Variants in DLGAP2 observed in about 807,000 individuals in gnomAD.
The protein encoded by DLGAP2 is DLG associated protein 2.
In DLGAP2, 26 loss-of-function variants were observed where a neutral mutation model predicts 100.3. That is an observed-to-expected ratio of 0.26 (90% CI 0.19 to 0.36). DLGAP2 has a LOEUF of 0.36. DLGAP2 is among the 10% of genes least tolerant of loss of function. The pLI is 1.00. For synonymous variants in DLGAP2, 886 were observed against 630.1 expected, an observed-to-expected ratio of 1.41 and a Z score of -6.08; for missense variants, 1,858 against 1,453.2, an observed-to-expected ratio of 1.28 and a Z score of -4.53.
chr8:1,458,494 C>G (rs1364938551), intron 3 of DLGAP2, among the ~76,000 whole-genome samples: 3 of 152,166 alleles, frequency 2.0e-5, no homozygotes, highest in Non-Finnish European at 4.4e-5. Flanking sequence ...TATGGTTCAA[C>G]CTGACATATT....
chr8:1,379,555 C>T (rs182131107), intron 3 of DLGAP2: 311 of 152,376 alleles, frequency 2.0e-3, no homozygotes, highest in African/African-American at 7.2e-3. Context: ...CATATTCAGT[C>T]TCTTCTTGTA....
At chr8:1,112,233 G>A (rs1804979242) in intron 2 of DLGAP2, among the ~76,000 whole-genome samples, 1 of 117,102 alleles carries the variant, frequency 8.5e-6, no homozygotes, top group South Asian at 2.7e-4. Flanking sequence ...CATGTCCTTT[G>A]CCCATTTTTT....
intron 1 of DLGAP2, among the ~76,000 whole-genome samples, chr8:795,524 T>A (rs1370033714): frequency 6.6e-6 from 1 of 152,242 alleles, no homozygotes; most frequent in Admixed American, 6.5e-5. Context: ...GACAGATGTG[T>A]GCAGTGTGCA....
Position 1,430,011 on chromosome 8 carries a change from T to TATATATATATATACAC in DLGAP2, c.107-71342_107-71341insCACATATATATATATA, listed in dbSNP as rs1554467359. ...GGGGAGAGATGCATATATATACATA[T>TATATATATATATACAC]ATATATATATATATATACACACACA... is the stretch of plus-strand genomic sequence containing the variant. On this transcript the variant is annotated intron_variant, in intron 3 of 14. Transcript: ENST00000637795. Among the ~76,000 whole-genome samples the TATATATATATATACAC allele has an allele frequency of 1.9e-4, 12 of 63,954 alleles. 1 individual carries two copies. Among genetic ancestry groups the TATATATATATATACAC allele is most frequent in the Non-Finnish European group, 3.0e-4 (9 of 30,002 alleles). The allele number at this position is 63,954 out of a possible 152,430, so 42.0% of individuals were successfully genotyped here.
At chr8:1,541,756 G>A (rs76938964) in intron 4 of DLGAP2, among the ~76,000 whole-genome samples, 1,579 of 152,282 alleles carry the variant, frequency 0.01, 32 homozygotes, top group African/African-American at 0.036. Flanking sequence ...GTAACCATCA[G>A]CCATTTGTGT....
At chr8:1,590,750 G>C (rs561661609) in intron 6 of DLGAP2, among the ~76,000 whole-genome samples, 3 of 152,254 alleles carry the variant, frequency 2.0e-5, no homozygotes, top group Admixed American at 2.0e-4. Context: ...TCCCACCTCT[G>C]TGCTCCTGGG....
At chr8:1,060,064 G>C (rs983134995) in intron 2 of DLGAP2, among the ~76,000 whole-genome samples, 1 of 152,286 alleles carries the variant, frequency 6.6e-6, no homozygotes, top group African/African-American at 2.4e-5. Flanking sequence ...TGAGTCTGGG[G>C]CTTCAAGTTC....
At chr8:1,422,932 C>T (rs946999299) in intron 3 of DLGAP2, among the ~76,000 whole-genome samples, 3 of 152,168 alleles carry the variant, frequency 2.0e-5, no homozygotes, top group African/African-American at 7.2e-5. Flanking sequence ...CCTAGGCCAA[C>T]TCTGTCCAGG....
At chr8:1,258,973 A>G in intron 3 of DLGAP2, 90 bp downstream of exon 3, 3 of 1,112,612 alleles carry the variant, frequency 2.7e-6, no homozygotes, top group Non-Finnish European at 3.4e-6. Context: ...AACGTGTTGG[A>G]GAGAACCTTG....
At chr8:1,449,604 T>G (rs952361585) in intron 3 of DLGAP2, among the ~76,000 whole-genome samples, 2 of 152,114 alleles carry the variant, frequency 1.3e-5, no homozygotes, top group African/African-American at 4.8e-5. Flanking sequence ...GGCCTGGCAC[T>G]CTGCATTCTG....
At chr8:1,018,013 T>G (rs1223608185) in intron 2 of DLGAP2, among the ~76,000 whole-genome samples, 1 of 152,106 alleles carries the variant, frequency 6.6e-6, no homozygotes, top group East Asian at 1.9e-4. Context: ...ACCCCATCCC[T>G]TTGTGGAAAG....
chr8:1,594,008 A>C (rs923575259), intron 6 of DLGAP2, among the ~76,000 whole-genome samples: 2 of 152,190 alleles, frequency 1.3e-5, no homozygotes, highest in African/African-American at 2.4e-5. Context: ...CAGAGATGAC[A>C]GCTTAGACTA....
Position 1,331,165 on chromosome 8 carries a change from G to C in DLGAP2, c.106+72282G>C, listed in dbSNP as rs772547197. Among the ~76,000 whole-genome samples the C allele has an allele frequency of 2.6e-5, 4 of 152,346 alleles. No individual in the cohort carries two copies. The East Asian group carries it at 5.8e-4, about 22-fold the overall frequency. The stretch of plus-strand genomic sequence containing the variant: ...ATCAAATGGCCGTCACAGTGCACTG[G>C]GGGAAGTGGATTCTTAGTCGACAGG... On this transcript the variant is annotated intron_variant, in intron 3 of 14. Transcript: ENST00000637795.
At chr8:1,512,264 T>C (rs1800192305) in intron 4 of DLGAP2, among the ~76,000 whole-genome samples, 2 of 152,196 alleles carry the variant, frequency 1.3e-5, no homozygotes, top group South Asian at 4.1e-4. Context: ...AAGAAACAAA[T>C]GTCCCATAAA....
At chr8:1,365,289 T>C (rs1385991676) in intron 3 of DLGAP2, among the ~76,000 whole-genome samples, 1 of 152,050 alleles carries the variant, frequency 6.6e-6, no homozygotes, top group Non-Finnish European at 1.5e-5. Flanking sequence ...GTGGCTCAGG[T>C]GCTGAGCCTG....
At chr8:1,581,693 T>C (rs1385538089) in intron 6 of DLGAP2, among the ~76,000 whole-genome samples, 1 of 137,860 alleles carries the variant, frequency 7.3e-6, no homozygotes, top group Non-Finnish European at 1.5e-5. Flanking sequence ...TCCACACATA[T>C]ACACACCGCA....
intron 4 of DLGAP2, among the ~76,000 whole-genome samples, chr8:1,529,990 A>G (rs1279304254): frequency 6.6e-6 from 1 of 152,224 alleles, no homozygotes; most frequent in East Asian, 1.9e-4. Flanking sequence ...CCACAAGGCA[A>G]GTGGAGGCAG....
intron 2 of DLGAP2, among the ~76,000 whole-genome samples, chr8:1,222,467 G>A (rs1450210853): frequency 6.6e-6 from 1 of 152,182 alleles, no homozygotes; most frequent in African/African-American, 2.4e-5. Flanking sequence ...GAGGGGCCAA[G>A]GTGTTCTCAG....
chr8:1,678,740 G>C, intron 12 of DLGAP2, 111 bp downstream of exon 12: 1 of 1,220,162 alleles, frequency 8.2e-7, no homozygotes, highest in Non-Finnish European at 1.1e-6. Flanking sequence ...TTCAAGTGAA[G>C]GGAAATAAAT....
Sources: allele counts gnomAD v4.1 joint callset (sites outside exome capture counted in the v4.1 genomes callset), GRCh38; gene constraint gnomAD v4.1.1; transcripts MANE v1.5; gene names NCBI Gene and HGNC (gene_info 2026-07-23, HGNC 2026-07-21).